STIL: variants seen among roughly 807,000 people sequenced by gnomAD.
STIL encodes the protein STIL centriolar assembly protein, also known as SCL-interrupting locus protein.
In STIL, 55 loss-of-function variants were observed where a neutral mutation model predicts 110.1. The observed-to-expected ratio is 0.50, with a 90% CI of 0.40 to 0.63. The LOEUF is 0.63. Ranked by LOEUF, STIL falls within the 20% of genes least tolerant of loss-of-function variation. The pLI, the probability that STIL is intolerant of heterozygous loss-of-function variation, is 0.00. For missense variants in STIL, 1,358 were observed against 1,530.0 expected (o/e 0.89, Z 1.87); for synonymous variants, 481 against 530.0 (o/e 0.91, Z 1.27).
At chr1:47,312,638 T>C (rs1163377713) in intron 1 of STIL, among the ~76,000 whole-genome samples, 2 of 152,242 alleles carry the variant, frequency 1.3e-5, no homozygotes, top group East Asian at 1.9e-4. Context: ...CAATTTTTTC[T>C]TCATTAAACA....
In STIL at chr1:47,260,430, G is replaced by C. The variant is rs1209820075; in HGVS notation, c.2939C>G (p.Thr980Arg). Residue 980 changes from threonine (T) to arginine (R), a missense_variant, in exon 16 of 17, where the codon ACA (threonine) becomes AGA (arginine). Physicochemically the swap from Thr to Arg is moderately conservative, Grantham distance 71. Transcript: ENST00000371877. ...TCTTGAATGATGTGTTTTTTTCTTT[G>C]TATGGTAAACGTTTTGGGTTCTGGT... is the stretch of plus-strand genomic sequence containing the variant. ...ECTRTQNVYHTKKKTHHSRLV... is the reference protein window; with the variant it reads ...ECTRTQNVYHRKKKTHHSRLV... 1 of 1,613,964 alleles carries C rather than the reference G, an allele frequency of 6.2e-7. No individual in the cohort carries two copies. Among genetic ancestry groups the C allele is most frequent in the East Asian group, 2.2e-5 (1 of 44,872 alleles).
chr1:47,289,487 G>C lies in STIL; in HGVS notation c.971C>G (p.Pro324Arg). ...GGTTAGCAACTGAAACCGAAAGTCAGGTATCTTGCCATCACAAGGGAAGCA... is the reference window on the plus strand; with the variant it reads ...GGTTAGCAACTGAAACCGAAAGTCACGTATCTTGCCATCACAAGGGAAGCA... ...YECFPCDGKI[P>R]DFRFQLLTSK... The change falls in exon 9 of 17, where the codon CCT (proline) becomes CGT (arginine). Residue 324 changes from proline to arginine, a missense_variant. Coordinates refer to ENST00000371877, the MANE Select transcript of STIL (RefSeq NM_001048166.1). 6.2e-7 allele frequency: 1 copy of C among 1,613,798 alleles called. No individual in the cohort carries two copies. Among genetic ancestry groups the C allele is most frequent in the Non-Finnish European group, 8.5e-7 (1 of 1,179,820 alleles).
chr1:47,298,054 A>G (rs536840964), intron 6 of STIL, among the ~76,000 whole-genome samples: 2 of 152,236 alleles, frequency 1.3e-5, no homozygotes, highest in Middle Eastern at 3.4e-3. Flanking sequence ...ACTTTTGACC[A>G]CTCCATGATT....
chr1:47,292,644 A>G (rs1645528236), intron 8 of STIL, among the ~76,000 whole-genome samples: 1 of 152,238 alleles, frequency 6.6e-6, no homozygotes, highest in African/African-American at 2.4e-5. Flanking sequence ...CTATGGTTTA[A>G]TTTTTACAGG....
intron 14 of STIL, among the ~76,000 whole-genome samples, chr1:47,263,915 G>A (rs1449299279): frequency 6.6e-6 from 1 of 151,932 alleles, no homozygotes; most frequent in Non-Finnish European, 1.5e-5. Context: ...ACCATGCTCA[G>A]CTAGTTTCTG....
chr1:47,278,944 T>C (rs1303956472), intron 12 of STIL, among the ~76,000 whole-genome samples: 1 of 152,206 alleles, frequency 6.6e-6, no homozygotes, highest in African/African-American at 2.4e-5. Context: ...GTCATTGTCT[T>C]TTTTCTGATA....
At chr1:47,305,662 A>G (rs1223424784) in intron 2 of STIL, among the ~76,000 whole-genome samples, 1 of 143,796 alleles carries the variant, frequency 7.0e-6, no homozygotes, top group Non-Finnish European at 1.5e-5. Context: ...TGCTGACCTC[A>G]TGATCAGCCT....
intron 12 of STIL, 64 bp from the exon 13 acceptor site, chr1:47,272,305 T>C: frequency 6.4e-7 from 1 of 1,563,746 alleles, no homozygotes; most frequent in Non-Finnish European, 8.8e-7. Flanking sequence ...GGCAGCAGTT[T>C]AATAATGAAT....
chr1:47,299,865 T>G lies in STIL; in HGVS notation c.701+40A>C, dbSNP rs775099144. 1.9e-6 allele frequency: 3 copies of G among 1,585,368 alleles called. No individual in the cohort carries two copies. The South Asian group carries it at 3.4e-5, about 18-fold the overall frequency. On this transcript the variant is annotated intron_variant, in intron 6 of 16. Transcript: ENST00000371877. Reference sequence around the variant, plus strand: ...TTACATGGACATTCTGAAAATATACTAATGCAACTAACATTTAGATTAATG... The same window carrying G: ...TTACATGGACATTCTGAAAATATACGAATGCAACTAACATTTAGATTAATG...
intron 8 of STIL, among the ~76,000 whole-genome samples, chr1:47,291,641 C>A (rs567060886): frequency 6.6e-6 from 1 of 152,072 alleles, no homozygotes; most frequent in Non-Finnish European, 1.5e-5. Flanking sequence ...TCTCAGCTCA[C>A]TGTAACCTCT....
chr1:47,302,373 T>C (rs368128293), intron 3 of STIL, 27 bp from the exon 4 acceptor site: 46 of 1,537,058 alleles, frequency 3.0e-5, no homozygotes, highest in Non-Finnish European at 4.1e-5. Context: ...CTTTTATGAA[T>C]ATGGTAGACC....
At chr1:47,272,705 C>T (rs1570110904) in intron 12 of STIL, among the ~76,000 whole-genome samples, 2 of 152,064 alleles carry the variant, frequency 1.3e-5, no homozygotes, top group South Asian at 2.1e-4. Flanking sequence ...CCACCTCAGC[C>T]TTTAAGTATA....
intron 15 of STIL, among the ~76,000 whole-genome samples, chr1:47,260,817 G>A (rs963916757): frequency 6.6e-6 from 1 of 152,130 alleles, no homozygotes; most frequent in African/African-American, 2.4e-5. Flanking sequence ...GCAGTTAGCC[G>A]TGATTGTGCC....
At chr1:47,307,024 G>A (rs182066499) in intron 2 of STIL, among the ~76,000 whole-genome samples, 314 of 152,222 alleles carry the variant, frequency 2.1e-3, no homozygotes, top group African/African-American at 7.2e-3. Context: ...GGTGCCACGC[G>A]CCTCTGGTCC....
chr1:47,276,415 C>CAT lies in STIL; in HGVS notation c.2217+3824_2217+3825dup, dbSNP rs200792762. On this transcript the variant is annotated intron_variant, in intron 12 of 16. Transcript: ENST00000371877. ...CCACACGCATATGCATATACATATA[C>CAT]ATATATATATATATGAATGATAAAG... Among the ~76,000 whole-genome samples, 1,401 of 150,590 alleles carry CAT rather than the reference C, an allele frequency of 9.3e-3. 19 individuals are homozygous for CAT. The highest frequency in any genetic ancestry group is 0.081 in the South Asian group (387 of 4,786).
chr1:47,269,587 A>T (rs373643200), intron 14 of STIL, 48 bp downstream of exon 14: 2 of 1,532,448 alleles, frequency 1.3e-6, no homozygotes, highest in Non-Finnish European at 1.8e-6. Flanking sequence ...CTATCAAAAA[A>T]AATTTTTTTT....
intron 16 of STIL, among the ~76,000 whole-genome samples, chr1:47,252,189 T>C (rs1322299282): frequency 6.6e-6 from 1 of 152,142 alleles, no homozygotes; most frequent in Non-Finnish European, 1.5e-5. Flanking sequence ...AAGATCAGCC[T>C]AGGCAATATA....
intron 12 of STIL, among the ~76,000 whole-genome samples, chr1:47,279,288 A>C (rs1002558759): frequency 6.7e-6 from 1 of 149,352 alleles, no homozygotes; most frequent in Non-Finnish European, 1.5e-5. Context: ...GTCTCAAAAA[A>C]AAAAAAAAAA....
In STIL at chr1:47,280,808, C is replaced by G. The variant is rs1302831534; in HGVS notation, c.1650G>C (p.Glu550Asp). Residue 550 changes from glutamate (E) to aspartate (D), a missense_variant, in exon 12 of 17, where the codon GAG becomes GAC. By Grantham distance (45) the Glu-to-Asp change is conservative. Transcript: ENST00000371877. ...TAAGTGTGGAGGGTCTTATAGGATA[C>G]TCTTCGTTTTGTACATTTCCAGCAG... ...TVSAGNVQNE[E>D]YPIRPSTLNS... is the part of the protein sequence containing the mutation. 1 of 1,614,056 alleles carries G rather than the reference C, an allele frequency of 6.2e-7. No homozygotes were observed. Among genetic ancestry groups the G allele is most frequent in the African/African-American group, 1.3e-5 (1 of 74,900 alleles).
Sources: allele counts gnomAD v4.1 joint callset (sites outside exome capture counted in the v4.1 genomes callset), GRCh38; gene constraint gnomAD v4.1.1; transcripts MANE v1.5; gene names NCBI Gene and HGNC (gene_info 2026-07-23, HGNC 2026-07-21).